Variants in MAF observed in about 807,000 individuals in gnomAD.
MAF encodes MAF bZIP transcription factor, also known as transcription factor Maf.
A neutral mutation model predicts 22.0 loss-of-function variants in MAF; 10 were observed. That is an observed-to-expected ratio of 0.45 (90% CI 0.28 to 0.77). The LOEUF (loss-of-function observed/expected upper bound fraction) is 0.77. MAF is among the 30% of genes least tolerant of loss of function. The pLI, the probability that MAF is intolerant of heterozygous loss-of-function variation, is 0.12. For missense variants in MAF, 544 were observed against 548.4 expected (o/e 0.99, Z 0.08); for synonymous variants, 337 against 255.8 (o/e 1.32, Z -3.03).
the MAF span, among the ~76,000 whole-genome samples, chr16:79,572,486 G>A: frequency 6.6e-5 from 10 of 152,156 alleles, no homozygotes; most frequent in African/African-American, 2.4e-4. Context: ...ACGCACATAC[G>A]TCTCTTTTAT....
chr16:79,590,200 G>T (rs1913108703), downstream of MAF, among the ~76,000 whole-genome samples: 1 of 152,068 alleles, frequency 6.6e-6, no homozygotes, highest in South Asian at 2.1e-4. Flanking sequence ...CCCGGGCCAG[G>T]TTGGCGGAGG....
the MAF span, among the ~76,000 whole-genome samples, chr16:79,372,258 G>A: frequency 1.3e-4 from 20 of 152,056 alleles, no homozygotes; most frequent in African/African-American, 4.8e-4. Context: ...TGAGGATGGG[G>A]GAACTTGCTC....
the MAF span, among the ~76,000 whole-genome samples, chr16:79,404,817 G>C: frequency 6.6e-6 from 1 of 152,136 alleles, no homozygotes; most frequent in Admixed American, 6.5e-5. Flanking sequence ...AGGGGTGGCA[G>C]CTAATGAAGC....
the MAF span, among the ~76,000 whole-genome samples, chr16:79,565,699 G>A: frequency 6.6e-6 from 1 of 152,096 alleles, no homozygotes; most frequent in Non-Finnish European, 1.5e-5. Flanking sequence ...CGCCTCTCCA[G>A]CCATGCTGAA....
the MAF span, among the ~76,000 whole-genome samples, chr16:79,524,986 G>C: frequency 6.6e-6 from 1 of 152,172 alleles, no homozygotes. Flanking sequence ...TTCTAAATGA[G>C]TGCAAAACTG....
chr16:79,559,870 G>A, the MAF span, among the ~76,000 whole-genome samples: 1 of 152,092 alleles, frequency 6.6e-6, no homozygotes, highest in Non-Finnish European at 1.5e-5. Flanking sequence ...TGCTGCTTTG[G>A]TTTTATTTGT....
At chr16:79,265,434 T>C in the MAF span, among the ~76,000 whole-genome samples, 1 of 152,132 alleles carries the variant, frequency 6.6e-6, no homozygotes, top group Non-Finnish European at 1.5e-5. Context: ...CCCGAATAAG[T>C]GACTCTAAGG....
chr16:79,463,162 A>G, the MAF span, among the ~76,000 whole-genome samples: 1 of 152,236 alleles, frequency 6.6e-6, no homozygotes. Flanking sequence ...TTTATGGAAC[A>G]GAGATCAGGC....
At chr16:79,220,332 C>T in the MAF span, among the ~76,000 whole-genome samples, 1,235 of 150,246 alleles carry the variant, frequency 8.2e-3, 41 homozygotes, top group East Asian at 0.12. Context: ...CAGAAAAACA[C>T]ATGTGCCCAT....
At chr16:79,422,502 C>T in the MAF span, among the ~76,000 whole-genome samples, 1 of 152,164 alleles carries the variant, frequency 6.6e-6, no homozygotes, top group African/African-American at 2.4e-5. Context: ...TTGAGCCAGT[C>T]ATAGAGATTC....
the MAF span, among the ~76,000 whole-genome samples, chr16:79,449,988 A>C: frequency 6.6e-6 from 1 of 152,218 alleles, no homozygotes; most frequent in Non-Finnish European, 1.5e-5. Context: ...TTTGGAATTG[A>C]CAGACGCCGC....
downstream of MAF, among the ~76,000 whole-genome samples, chr16:79,589,055 A>G (rs1162481626): frequency 6.6e-6 from 1 of 152,220 alleles, no homozygotes; most frequent in Non-Finnish European, 1.5e-5. Context: ...CTATCTGTGC[A>G]TGAATAAATC....
At chr16:79,218,483 A>G in the MAF span, among the ~76,000 whole-genome samples, 1 of 152,210 alleles carries the variant, frequency 6.6e-6, no homozygotes, top group Non-Finnish European at 1.5e-5. Flanking sequence ...CCTTGATCCA[A>G]CAGCTCCTAC....
chr16:79,281,978 C>A, the MAF span, among the ~76,000 whole-genome samples: 2 of 152,086 alleles, frequency 1.3e-5, no homozygotes, highest in African/African-American at 4.8e-5. Context: ...AACAATCCAA[C>A]AGGAGTCCTG....
chr16:79,546,032 G>A, the MAF span, among the ~76,000 whole-genome samples: 1 of 151,652 alleles, frequency 6.6e-6, no homozygotes, highest in Admixed American at 6.6e-5. Context: ...ATACATTTTT[G>A]TCCATTAAAA....
the MAF span, among the ~76,000 whole-genome samples, chr16:79,565,338 T>A: frequency 6.6e-6 from 1 of 152,178 alleles, no homozygotes; most frequent in Non-Finnish European, 1.5e-5. Flanking sequence ...CATGTGGCCC[T>A]TGAAACCTAA....
chr16:79,394,754 C>T, the MAF span, among the ~76,000 whole-genome samples: 3 of 152,172 alleles, frequency 2.0e-5, no homozygotes, highest in South Asian at 6.2e-4. Context: ...CACTCCTACT[C>T]CAATTTTTTA....
the MAF span, among the ~76,000 whole-genome samples, chr16:79,234,595 C>A: frequency 2.6e-5 from 4 of 152,070 alleles, no homozygotes; most frequent in African/African-American, 9.7e-5. Context: ...GCTTCAGGAC[C>A]TCCCAAAGAA....
At chr16:79,209,291 T>C in the MAF span, among the ~76,000 whole-genome samples, 2 of 152,246 alleles carry the variant, frequency 1.3e-5, no homozygotes, top group African/African-American at 4.8e-5. Context: ...TCAATGGGAC[T>C]GCAGAATTTC....
Sources: gnomAD v4.1 joint callset for allele counts (sites outside exome capture counted in the v4.1 genomes callset) on GRCh38, gnomAD v4.1.1 for gene constraint, MANE v1.5 for transcripts, NCBI Gene and HGNC (gene_info 2026-07-23, HGNC 2026-07-21) for gene names.